The following WDR81 variants were observed in gnomAD, a reference collection of about 807,000 sequenced individuals.
The protein encoded by WDR81 is WD repeat-containing protein 81.
In WDR81, 92 loss-of-function variants were observed where a neutral mutation model predicts 140.8. The ratio of observed to expected loss-of-function variants is 0.65; its 90% CI spans 0.55 to 0.78. The LOEUF (loss-of-function observed/expected upper bound fraction) is 0.78. Among genes scored for constraint, WDR81 ranks in the 30% least tolerant of loss-of-function variants. The pLI, the probability that WDR81 is intolerant of heterozygous loss-of-function variation, is 0.00. For missense variants in WDR81, 2,502 were observed against 2,636.4 expected, an observed-to-expected ratio of 0.95 and a Z score of 1.12; for synonymous variants, 1,183 against 1,156.4, an observed-to-expected ratio of 1.02 and a Z score of -0.47.
chr17:1,718,187 G>A (rs1435827423), intron 1 of WDR81, among the ~76,000 whole-genome samples: 2 of 151,604 alleles, frequency 1.3e-5, no homozygotes, highest in Non-Finnish European at 2.9e-5. Context: ...GCGCGATCTC[G>A]GCTCACTGCA....
Position 1,736,200 on chromosome 17 carries a change from G to C in WDR81, c.5487G>C (p.Gly1829=). 1 of 1,598,270 alleles carries C rather than the reference G, an allele frequency of 6.3e-7. No homozygotes were observed. Among genetic ancestry groups the C allele is most frequent in the Non-Finnish European group, 8.5e-7 (1 of 1,179,410 alleles). ...LVLRGWPAHE[G]DILQIKAVEG... is the part of the protein sequence containing the mutation. ...TGCGAGGCTGGCCAGCCCACGAGGG[G>C]GACATTCTGCAGATCAAGGTGACGG... is the stretch of plus-strand genomic sequence containing the variant. Residue 1829 remains glycine, a synonymous_variant, in exon 9 of 10, where the codon GGG becomes GGC. Transcript: ENST00000409644.
Position 1,725,776 on chromosome 17 carries a change from GC to G in WDR81, c.819del (p.Cys274ValfsTer30). The G allele has an allele frequency of 6.4e-7, 1 of 1,550,644 alleles. No homozygotes were observed. Among genetic ancestry groups the G allele is most frequent in the Non-Finnish European group, 8.7e-7 (1 of 1,147,016 alleles). ...CTTCCGCGTGCTGAGGGCTATGGAC[GC>G]CTGTCACCGCCAGGGGCTGGCGTGT... ...ILFRVLRAMDACHRQGLACGA... is the reference protein window; with the variant it reads ...ILFRVLRAMDXCHRQGLACGA... On this transcript the variant is annotated frameshift_variant, in exon 1 of 10. Coordinates refer to ENST00000409644, the MANE Select transcript of WDR81 (RefSeq NM_001163809.2). LOFTEE classifies it high-confidence loss of function.
chr17:1,717,901 C>T (rs1914665434), intron 1 of WDR81, among the ~76,000 whole-genome samples: 1 of 152,068 alleles, frequency 6.6e-6, no homozygotes, highest in African/African-American at 2.4e-5. Flanking sequence ...CTGGGGAGGT[C>T]CAGAATGGTG....
rs1360459044 is a variant in WDR81, at chr17:1,733,741, T to C, written c.4704T>C (p.Ile1568=). ...GGAGCGTCCTGGTGGGGAACCGCAT[T>C]CAGATCCCCAATGACTCTCGGCCTG... ...TFGSVLVGNR[I]QIPNDSRPEN... is the part of the protein sequence containing the mutation. The change falls in exon 7 of 10, where the codon ATT becomes ATC. Residue 1568 remains isoleucine, a synonymous_variant. Coordinates refer to ENST00000409644, the MANE Select transcript of WDR81 (RefSeq NM_001163809.2). 5.6e-6 allele frequency: 9 copies of C among 1,612,388 alleles called. No homozygotes were observed. Among genetic ancestry groups the C allele is most frequent in the Non-Finnish European group, 7.6e-6 (9 of 1,179,788 alleles).
chr17:1,731,308 T>C, intron 4 of WDR81, 50 bp downstream of exon 4: 2 of 1,574,072 alleles, frequency 1.3e-6, no homozygotes, highest in Non-Finnish European at 1.7e-6. Context: ...GCGGAGGGGC[T>C]GCCCAGGAGG....
At position 1,737,445 on chromosome 17, in the gene WDR81, C is replaced by T; in HGVS notation, c.5586C>T (p.Thr1862=). Residue 1862 remains threonine (T), a synonymous_variant, in exon 10 of 10, where the codon ACC becomes ACT. Coordinates refer to ENST00000409644, the MANE Select transcript of WDR81 (RefSeq NM_001163809.2). ...TVWKELEQKP[T]HHYKSASDPI... is the part of the protein sequence containing the mutation. ...GGAAGGAGCTGGAGCAGAAGCCCAC[C>T]CATCACTACAAGTCAGCATCCGACC... 1 of 1,613,056 alleles carries T rather than the reference C, an allele frequency of 6.2e-7. No homozygotes were observed. The highest frequency in any genetic ancestry group is 8.5e-7 in the Non-Finnish European group (1 of 1,179,980).
In WDR81 at chr17:1,724,727, C is replaced by T; in HGVS notation, c.-233C>T. 5.4e-6 allele frequency: 6 copies of T among 1,102,258 alleles called. No homozygotes were observed. The highest frequency in any genetic ancestry group is 6.6e-6 in the Non-Finnish European group (6 of 906,488). 68.3% of individuals were successfully genotyped at this position (1,102,258 alleles called of 1,614,324 possible). On this transcript the variant is annotated 5_prime_UTR_variant, in exon 1 of 10. Transcript: ENST00000409644. ...TCAGCTGACCCGTCACGGTGGAGCC[C>T]GGTGCTCGCGCCCGGCAGCCTCTGC...
chr17:1,725,662 C>T lies in WDR81; in HGVS notation c.703C>T (p.His235Tyr). 1 of 1,547,278 alleles carries T rather than the reference C, an allele frequency of 6.5e-7. No individual in the cohort carries two copies. The highest frequency in any genetic ancestry group is 8.7e-7 in the Non-Finnish European group (1 of 1,146,998). ...LESPEMLYVV[H>Y]PYVQFSLHDV... ...GTCGCCGGAGATGCTGTATGTGGTA[C>T]ACCCTTACGTACAGTTCTCCCTACA... Residue 235 changes from histidine (H) to tyrosine (Y), a missense_variant, in exon 1 of 10, where the codon CAC becomes TAC. Coordinates refer to ENST00000409644, the MANE Select transcript of WDR81 (RefSeq NM_001163809.2).
intron 9 of WDR81, 66 bp from the exon 10 acceptor site, chr17:1,737,299 G>A (rs1032489950): frequency 1.4e-6 from 2 of 1,466,730 alleles, no homozygotes; most frequent in Non-Finnish European, 9.1e-7. Flanking sequence ...AACTGGGAAG[G>A]CCTTGGGGCC....
chr17:1,736,226 GC>G lies in WDR81; in HGVS notation c.5505+10del. 6.3e-7 allele frequency: 1 copy of G among 1,592,566 alleles called. No individual in the cohort carries two copies. The highest frequency in any genetic ancestry group is 8.5e-7 in the Non-Finnish European group (1 of 1,176,272). On this transcript the variant is annotated intron_variant, in intron 9 of 9. Transcript: ENST00000409644. Reference sequence around the variant, plus strand: ...GACATTCTGCAGATCAAGGTGACGGGCCGGGTCTCCCTCCCCTTGCTGCCCA... The same window carrying G: ...GACATTCTGCAGATCAAGGTGACGGGCGGGTCTCCCTCCCCTTGCTGCCCA...
upstream of WDR81, among the ~76,000 whole-genome samples, chr17:1,723,456 T>TA (rs1491452093): frequency 3.5e-3 from 402 of 113,930 alleles, no homozygotes; most frequent in Non-Finnish European, 4.5e-3. Context: ...TATTTATTTA[T>TA]TTTTATTTAT....
upstream of WDR81, among the ~76,000 whole-genome samples, chr17:1,721,905 C>T (rs1914884828): frequency 6.6e-6 from 1 of 151,942 alleles, no homozygotes. Flanking sequence ...AGGCAGATCA[C>T]CTGAGGTCGG....
rs1447756145 is a variant in WDR81, at chr17:1,737,715, G to A, written c.*30G>A. On this transcript the variant is annotated 3_prime_UTR_variant, in exon 10 of 10. Transcript: ENST00000409644. ...AGGCAGGAGCTGGCCGGGCAAGGGTGGGAAGACATCTGCGGGCGCGTGTCC... is the reference window on the plus strand; with the variant it reads ...AGGCAGGAGCTGGCCGGGCAAGGGTAGGAAGACATCTGCGGGCGCGTGTCC... 3.2e-6 allele frequency: 5 copies of A among 1,579,398 alleles called. No individual in the cohort carries two copies. In the South Asian group the frequency reaches 4.6e-5, roughly 15 times the overall value.
chr17:1,731,332 A>G (rs1823359229), intron 4 of WDR81, 74 bp downstream of exon 4: 4 of 1,511,180 alleles, frequency 2.6e-6, no homozygotes, highest in African/African-American at 1.4e-5. Context: ...TGGGAAGCTC[A>G]GGGGAGAGGA....
At chr17:1,730,971 G>T (rs1904312725) in intron 3 of WDR81, 26 bp downstream of exon 3, 1 of 1,609,648 alleles carries the variant, frequency 6.2e-7, no homozygotes, top group African/African-American at 1.3e-5. Flanking sequence ...GGCAGGCCCG[G>T]GGCTGGGAAG....
At chr17:1,732,221 A>T in intron 4 of WDR81, 104 bp from the exon 5 acceptor site, 1 of 1,469,256 alleles carries the variant, frequency 6.8e-7, no homozygotes, top group South Asian at 1.4e-5. Context: ...TGGATGACAG[A>T]GCAAGACTCC....
At chr17:1,716,823 G>A in intron 1 of WDR81, 1 of 673,666 alleles carries the variant, frequency 1.5e-6, no homozygotes, top group African/African-American at 1.8e-5. Context: ...TGGGCAGAGC[G>A]TCAGCCCCCA....
Position 1,728,065 on chromosome 17 carries a change from C to T in WDR81, c.3106C>T (p.Leu1036=). Reference sequence around the variant, plus strand: ...GGCTGCTGAGGAGGAGGAGAGCGGGCTGCCCGGGGCCGGGCCTGGCTCCTG... The same window carrying T: ...GGCTGCTGAGGAGGAGGAGAGCGGGTTGCCCGGGGCCGGGCCTGGCTCCTG... ...AGAAEEEESG[L]PGAGPGSCAF... Residue 1036 remains leucine (L), a synonymous_variant, in exon 1 of 10, where the codon CTG becomes TTG. Coordinates refer to ENST00000409644, the MANE Select transcript of WDR81 (RefSeq NM_001163809.2). The T allele has an allele frequency of 6.3e-7, 1 of 1,580,178 alleles. No individual in the cohort carries two copies.
rs1904424758 is a variant in WDR81, at chr17:1,732,376, C to T, written c.4209C>T (p.Ser1403=). Residue 1403 remains serine (S), a synonymous_variant, in exon 5 of 10, where the codon AGC becomes AGT. Transcript: ENST00000409644. ...CCATCCTGTGTGTGAAAACCATCAG[C>T]CTCATCGCCCTCATCTGCCTGCGCA... ...ARTILCVKTI[S]LIALICLRIG... 2 of 1,613,544 alleles carry T rather than the reference C, an allele frequency of 1.2e-6. No individual in the cohort carries two copies. Among genetic ancestry groups the T allele is most frequent in the African/African-American group, 1.3e-5 (1 of 74,938 alleles).
Sources: gnomAD v4.1 joint callset for allele counts (sites outside exome capture counted in the v4.1 genomes callset) on GRCh38, gnomAD v4.1.1 for gene constraint, MANE v1.5 for transcripts, NCBI Gene and HGNC (gene_info 2026-07-23, HGNC 2026-07-21) for gene names.